The following KCNIP4 variants were observed in gnomAD, a reference collection of about 807,000 sequenced individuals.
KCNIP4 encodes Kv channel-interacting protein 4.
In KCNIP4, 12 loss-of-function variants were observed where a neutral mutation model predicts 34.0. The ratio of observed to expected loss-of-function variants is 0.35; its 90% CI spans 0.23 to 0.57. The LOEUF is 0.57. Among genes scored for constraint, KCNIP4 ranks in the 20% least tolerant of loss-of-function variants. The probability of loss-of-function intolerance (pLI) is 0.83; values close to 1 mark genes in which losing one functional copy is unlikely to be tolerated. For synonymous variants in KCNIP4, 124 were observed against 102.2 expected (o/e 1.21, Z -1.29); for missense variants, 238 against 311.7 (o/e 0.76, Z 1.78).
At chr4:20,908,762 G>A (rs1398533377) in intron 1 of KCNIP4, among the ~76,000 whole-genome samples, 1 of 152,092 alleles carries the variant, frequency 6.6e-6, no homozygotes, top group East Asian at 1.9e-4. Flanking sequence ...TGCATGGCTT[G>A]GGCACACTAC....
At chr4:21,879,872 G>A (rs1726365170) in intron 1 of KCNIP4, among the ~76,000 whole-genome samples, 1 of 152,094 alleles carries the variant, frequency 6.6e-6, no homozygotes, top group Non-Finnish European at 1.5e-5. Flanking sequence ...TTAGTCTCAT[G>A]ATCGTAAGTT....
At chr4:20,827,449 C>G (rs1039232230) in intron 3 of KCNIP4, among the ~76,000 whole-genome samples, 31 of 152,276 alleles carry the variant, frequency 2.0e-4, no homozygotes, top group African/African-American at 7.0e-4. Context: ...TATGAAGACG[C>G]AAGTCATACC....
At chr4:21,753,905 C>G (rs1015830045) in intron 1 of KCNIP4, among the ~76,000 whole-genome samples, 1 of 152,104 alleles carries the variant, frequency 6.6e-6, no homozygotes, top group African/African-American at 2.4e-5. Context: ...CTTCTTCTCT[C>G]CATCTACTGA....
intron 1 of KCNIP4, among the ~76,000 whole-genome samples, chr4:21,072,232 T>C (rs1560695671): frequency 6.6e-6 from 1 of 152,240 alleles, no homozygotes; most frequent in Non-Finnish European, 1.5e-5. Flanking sequence ...TCTTCCACAA[T>C]GGTTGAACTA....
chr4:21,541,849 C>T (rs1238285186), intron 1 of KCNIP4, among the ~76,000 whole-genome samples: 3 of 151,964 alleles, frequency 2.0e-5, no homozygotes, highest in Admixed American at 1.3e-4. Flanking sequence ...CCTTATGTTG[C>T]TCAGGCTCAT....
intron 1 of KCNIP4, among the ~76,000 whole-genome samples, chr4:21,922,820 A>C (rs1327841780): frequency 6.6e-6 from 1 of 152,208 alleles, no homozygotes; most frequent in Non-Finnish European, 1.5e-5. Context: ...TATAAGCTAC[A>C]AGGAGAAAAG....
At chr4:20,913,470 G>A (rs921549560) in intron 1 of KCNIP4, among the ~76,000 whole-genome samples, 6 of 152,124 alleles carry the variant, frequency 3.9e-5, no homozygotes, top group African/African-American at 1.4e-4. Context: ...GGTAATGATT[G>A]CATAACCTTG....
intron 1 of KCNIP4, among the ~76,000 whole-genome samples, chr4:21,733,781 G>C (rs1282909874): frequency 6.6e-6 from 1 of 152,036 alleles, no homozygotes; most frequent in Non-Finnish European, 1.5e-5. Context: ...TCTTAAAATG[G>C]GGACATAAAA....
intron 1 of KCNIP4, among the ~76,000 whole-genome samples, chr4:21,689,595 G>C (rs1218431967): frequency 2.0e-5 from 3 of 152,000 alleles, no homozygotes; most frequent in Non-Finnish European, 2.9e-5. Context: ...AACTTTTTCA[G>C]TTATGATGTA....
At chr4:21,486,691 T>C (rs1311153028) in intron 1 of KCNIP4, among the ~76,000 whole-genome samples, 1 of 152,224 alleles carries the variant, frequency 6.6e-6, no homozygotes, top group Non-Finnish European at 1.5e-5. Flanking sequence ...AGAATAGTTT[T>C]ATGTTTCTAT....
chr4:21,460,107 C>A lies in KCNIP4; in HGVS notation c.61+488464G>T, dbSNP rs933348365. The stretch of plus-strand genomic sequence containing the variant: ...GCCTTGCAAAATCTGCCCCCCGCCC[C>A]CCATCTCTTGTGTTTTATTTTCTTT... On this transcript the variant is annotated intron_variant, in intron 1 of 8. Transcript: ENST00000382152. 6.9e-5 allele frequency among the ~76,000 whole-genome samples: 10 copies of A among 145,312 alleles called. No homozygotes were observed. The East Asian group carries it at 1.8e-3, about 26-fold the overall frequency.
At chr4:21,586,959 C>T (rs909561538) in intron 1 of KCNIP4, among the ~76,000 whole-genome samples, 5 of 151,986 alleles carry the variant, frequency 3.3e-5, no homozygotes, top group African/African-American at 1.2e-4. Flanking sequence ...TAACAAAAAG[C>T]AAAAGCTGTA....
intron 1 of KCNIP4, among the ~76,000 whole-genome samples, chr4:21,322,136 G>A (rs946241459): frequency 2.2e-5 from 3 of 138,358 alleles, no homozygotes; most frequent in Non-Finnish European, 4.8e-5. Flanking sequence ...AAGGAAGGAA[G>A]GAGGGAGGGA....
intron 1 of KCNIP4, among the ~76,000 whole-genome samples, chr4:21,522,960 G>A (rs187854003): frequency 6.6e-6 from 1 of 152,036 alleles, no homozygotes; most frequent in African/African-American, 2.4e-5. Context: ...AGCTGATGGT[G>A]TCAGGAGATG....
chr4:21,174,134 C>A (rs565383269), intron 1 of KCNIP4, among the ~76,000 whole-genome samples: 236 of 152,244 alleles, frequency 1.6e-3, no homozygotes, highest in African/African-American at 5.4e-3. Context: ...ACAATGGATC[C>A]ACTCAATTTT....
At chr4:21,290,314 A>G (rs1329716227) in intron 1 of KCNIP4, among the ~76,000 whole-genome samples, 1 of 152,112 alleles carries the variant, frequency 6.6e-6, no homozygotes, top group Non-Finnish European at 1.5e-5. Context: ...ATAAATTACT[A>G]TGTTCCAAAG....
intron 1 of KCNIP4, among the ~76,000 whole-genome samples, chr4:21,022,148 C>T (rs549838467): frequency 6.4e-4 from 97 of 152,200 alleles, no homozygotes; most frequent in Non-Finnish European, 1.0e-3. Flanking sequence ...TTGACCCAAG[C>T]ATTGTTATGC....
chr4:21,798,828 GCTTCAAAATAATCAGTT>G (rs1287334962), intron 1 of KCNIP4, among the ~76,000 whole-genome samples: 3 of 152,046 alleles, frequency 2.0e-5, no homozygotes, highest in African/African-American at 7.2e-5. Context: ...AAGCTACCCT[GCTTCAAAATAATCAGTT>G]CTTTCTGTGG....
intron 1 of KCNIP4, among the ~76,000 whole-genome samples, chr4:21,602,170 A>G (rs1472201851): frequency 6.6e-6 from 1 of 151,978 alleles, no homozygotes; most frequent in Non-Finnish European, 1.5e-5. Flanking sequence ...TCAACACTTA[A>G]TTCAAACAAC....
Sources: gnomAD v4.1 joint callset for allele counts (sites outside exome capture counted in the v4.1 genomes callset) on GRCh38, gnomAD v4.1.1 for gene constraint, MANE v1.5 for transcripts, NCBI Gene and HGNC (gene_info 2026-07-23, HGNC 2026-07-21) for gene names.